SNX29: variants seen among roughly 807,000 people sequenced by gnomAD.
SNX29 encodes sorting nexin-29.
A neutral mutation model predicts 102.1 loss-of-function variants in SNX29; 78 were observed. That is an observed-to-expected ratio of 0.76 (90% CI 0.64 to 0.92). The LOEUF (loss-of-function observed/expected upper bound fraction) is 0.92, where lower values mean the gene tolerates loss of function less well. Ranked by LOEUF, SNX29 falls within the 40% of genes least tolerant of loss-of-function variation. The pLI, the probability that SNX29 is intolerant of heterozygous loss-of-function variation, is 0.00. For missense variants in SNX29, 1,280 were observed against 1,061.7 expected (o/e 1.21, Z -2.86); for synonymous variants, 580 against 414.5 (o/e 1.40, Z -4.85).
At chr16:12,559,987 G>T (rs1308955587) in intron 20 of SNX29, among the ~76,000 whole-genome samples, 1 of 152,160 alleles carries the variant, frequency 6.6e-6, no homozygotes, top group African/African-American at 2.4e-5. Flanking sequence ...ACGAAAAAAA[G>T]ATTTTGCAAG....
At chr16:12,553,534 C>A (rs1012692334) in intron 20 of SNX29, among the ~76,000 whole-genome samples, 2 of 152,104 alleles carry the variant, frequency 1.3e-5, no homozygotes, top group Non-Finnish European at 2.9e-5. Flanking sequence ...GGAGGGACCC[C>A]ACAGAGCACT....
chr16:12,045,203 A>G (rs1051417263), intron 5 of SNX29, among the ~76,000 whole-genome samples: 3 of 152,218 alleles, frequency 2.0e-5, no homozygotes, highest in African/African-American at 7.2e-5. Context: ...TATATTGGAA[A>G]TGCGCCTCTT....
intron 16 of SNX29, chr16:12,375,154 T>C (rs896942257): frequency 6.6e-6 from 1 of 152,138 alleles, no homozygotes; most frequent in African/African-American, 2.4e-5. Context: ...GCACCGGGGT[T>C]TGGGGAACAC....
intron 16 of SNX29, among the ~76,000 whole-genome samples, chr16:12,369,269 G>A (rs1453327593): frequency 2.6e-5 from 4 of 151,934 alleles, no homozygotes; most frequent in African/African-American, 4.8e-5. Context: ...CCGAGTAGCT[G>A]GGATTACAGG....
intron 19 of SNX29, among the ~76,000 whole-genome samples, chr16:12,494,796 A>C (rs1410263332): frequency 6.6e-6 from 1 of 152,128 alleles, no homozygotes; most frequent in Non-Finnish European, 1.5e-5. Flanking sequence ...GTCACAGAGG[A>C]GCCTTTGATG....
Position 12,282,595 on chromosome 16 carries a change from A to C in SNX29, c.1782+4559A>C, listed in dbSNP as rs560192808. On this transcript the variant is annotated intron_variant, in intron 15 of 20. Transcript: ENST00000566228. Reference sequence around the variant, plus strand: ...CTTGTGTAATGCGTAAAGAATGATAAATGTGAGTCCTAGAACCTCAGATTG... The same window carrying C: ...CTTGTGTAATGCGTAAAGAATGATACATGTGAGTCCTAGAACCTCAGATTG... 3.3e-5 allele frequency among the ~76,000 whole-genome samples: 5 copies of C among 152,336 alleles called. 1 individual carries two copies. Among genetic ancestry groups the C allele is most frequent in the African/African-American group, 1.2e-4 (5 of 41,582 alleles).
chr16:12,035,560 G>A (rs1195874389), intron 4 of SNX29, among the ~76,000 whole-genome samples: 5 of 152,202 alleles, frequency 3.3e-5, no homozygotes, highest in Admixed American at 3.3e-4. Flanking sequence ...CTTGTGGTCA[G>A]GCTGGTTCAG....
intron 14 of SNX29, among the ~76,000 whole-genome samples, chr16:12,218,461 A>T (rs987496495): frequency 6.6e-6 from 1 of 152,220 alleles, no homozygotes; most frequent in Non-Finnish European, 1.5e-5. Context: ...GGCCATATTC[A>T]TTCATTATTT....
chr16:12,558,295 A>G (rs2078498466), intron 20 of SNX29, among the ~76,000 whole-genome samples: 1 of 152,118 alleles, frequency 6.6e-6, no homozygotes. Context: ...CTGAAACGCG[A>G]GATGGCCCCT....
intron 16 of SNX29, among the ~76,000 whole-genome samples, chr16:12,360,195 G>C (rs558689065): frequency 6.6e-6 from 1 of 152,310 alleles, no homozygotes; most frequent in East Asian, 1.9e-4. Context: ...TCTCCAGTTA[G>C]CTCAAAAGAG....
chr16:12,309,142 A>G (rs1345410249), intron 15 of SNX29, among the ~76,000 whole-genome samples: 4 of 152,136 alleles, frequency 2.6e-5, no homozygotes, highest in East Asian at 3.9e-4. Context: ...TGTGATTTCT[A>G]TATACAGCAA....
At position 12,568,700 on chromosome 16, in the gene SNX29, C is replaced by A; in HGVS notation, c.*71C>A. Reference sequence around the variant, plus strand: ...CGTCCACCCCAGCCACTGCCGCTGGCCCCTCACCTCAGCGTGACAACCACG... The same window carrying A: ...CGTCCACCCCAGCCACTGCCGCTGGACCCTCACCTCAGCGTGACAACCACG... On this transcript the variant is annotated 3_prime_UTR_variant, in exon 21 of 21. Transcript: ENST00000566228. 1 of 1,565,300 alleles carries A rather than the reference C, an allele frequency of 6.4e-7. No homozygotes were observed. Among genetic ancestry groups the A allele is most frequent in the East Asian group, 2.3e-5 (1 of 43,836 alleles).
chr16:12,219,258 CTT>C (rs111884811), intron 14 of SNX29, among the ~76,000 whole-genome samples: 2,303 of 143,824 alleles, frequency 0.016, 64 homozygotes, highest in African/African-American at 0.054. Flanking sequence ...TCTACATCAT[CTT>C]TTTTTTTTTT....
chr16:12,281,800 G>A (rs1218211847), intron 15 of SNX29, among the ~76,000 whole-genome samples: 2 of 152,108 alleles, frequency 1.3e-5, no homozygotes, highest in Non-Finnish European at 2.9e-5. Context: ...GCTGGGCGTG[G>A]TGGCTCAAAC....
At chr16:12,122,411 G>A (rs1703485) in intron 11 of SNX29, among the ~76,000 whole-genome samples, 1 of 151,888 alleles carries the variant, frequency 6.6e-6, no homozygotes, top group Non-Finnish European at 1.5e-5. Flanking sequence ...GGAGGCAAGA[G>A]TAAGACAGGG....
intron 20 of SNX29, among the ~76,000 whole-genome samples, chr16:12,532,572 C>T (rs1357241443): frequency 6.6e-6 from 1 of 152,214 alleles, no homozygotes; most frequent in Non-Finnish European, 1.5e-5. Context: ...GGAATTCTGA[C>T]TTCACCATCT....
At chr16:12,527,840 T>A in intron 20 of SNX29, among the ~76,000 whole-genome samples, 1 of 151,208 alleles carries the variant, frequency 6.6e-6, no homozygotes, top group Non-Finnish European at 1.5e-5. Context: ...TTTTTTTTTT[T>A]TTGAGATGAA....
chr16:12,005,238 C>T (rs1201644484), intron 3 of SNX29, among the ~76,000 whole-genome samples: 1 of 152,140 alleles, frequency 6.6e-6, no homozygotes. Flanking sequence ...TCTTGAGGGC[C>T]TACTATGGGG....
chr16:12,406,460 G>A (rs1417235108), intron 18 of SNX29, among the ~76,000 whole-genome samples: 1 of 152,188 alleles, frequency 6.6e-6, no homozygotes, highest in Non-Finnish European at 1.5e-5. Flanking sequence ...TCCCTTGAAG[G>A]AAACCAAGGG....
Sources: allele counts gnomAD v4.1 joint callset (sites outside exome capture counted in the v4.1 genomes callset), GRCh38; gene constraint gnomAD v4.1.1; transcripts MANE v1.5; gene names NCBI Gene and HGNC (gene_info 2026-07-23, HGNC 2026-07-21).